The following RAB31 variants were observed in gnomAD, a reference collection of about 807,000 sequenced individuals.
The protein encoded by RAB31 is ras-related protein Rab-31.
Under a neutral mutation model 25.6 loss-of-function variants are expected in RAB31, and 21 were observed. The ratio of observed to expected loss-of-function variants is 0.82; its 90% CI spans 0.58 to 1.18. RAB31 has a LOEUF of 1.18. Ranked by LOEUF, RAB31 falls within the 50% of genes most tolerant of loss-of-function variation. The pLI, the probability that RAB31 is intolerant of heterozygous loss-of-function variation, is 0.00. For missense variants in RAB31, 196 were observed against 250.1 expected (o/e 0.78, Z 1.46); for synonymous variants, 87 against 84.0 (o/e 1.04, Z -0.20).
chr18:9,808,178 A>G (rs1401794588), intron 3 of RAB31, among the ~76,000 whole-genome samples: 1 of 152,204 alleles, frequency 6.6e-6, no homozygotes, highest in Non-Finnish European at 1.5e-5. Context: ...CTGAATGCTG[A>G]GAAAGCTTTT....
intron 1 of RAB31, among the ~76,000 whole-genome samples, chr18:9,754,344 A>G (rs886145306): frequency 6.6e-6 from 1 of 152,002 alleles, no homozygotes; most frequent in Non-Finnish European, 1.5e-5. Flanking sequence ...CAATGGCACG[A>G]TCTTGGCTCA....
At chr18:9,834,589 T>C (rs1350568157) in intron 5 of RAB31, among the ~76,000 whole-genome samples, 1 of 152,180 alleles carries the variant, frequency 6.6e-6, no homozygotes, top group Non-Finnish European at 1.5e-5. Context: ...CTTCAGACAA[T>C]ATTTACAGAG....
Position 9,805,705 on chromosome 18 carries a change from C to T in RAB31, c.202-8315C>T, listed in dbSNP as rs62081234. The stretch of plus-strand genomic sequence containing the variant: ...TGCTCAGAACAGTGCCTGCCACATA[C>T]TGAGCGTTCAAACAGTGAGATACTG... On this transcript the variant is annotated intron_variant, in intron 3 of 6. Transcript: ENST00000578921. 4.9e-3 allele frequency among the ~76,000 whole-genome samples: 740 copies of T among 152,312 alleles called. 3 individuals are homozygous for T. Among genetic ancestry groups the T allele is most frequent in the Non-Finnish European group, 7.4e-3 (503 of 68,024 alleles).
chr18:9,849,864 G>A (rs995834419), intron 6 of RAB31, among the ~76,000 whole-genome samples: 9 of 152,160 alleles, frequency 5.9e-5, no homozygotes, highest in African/African-American at 2.2e-4. Flanking sequence ...TGTGGTTAGA[G>A]ACTCAGCAGG....
intron 2 of RAB31, among the ~76,000 whole-genome samples, chr18:9,779,837 A>G (rs2068392886): frequency 6.6e-6 from 1 of 152,154 alleles, no homozygotes. Flanking sequence ...CTCAACTTTA[A>G]TTGTGACACA....
chr18:9,845,728 A>G, intron 6 of RAB31, 37 bp downstream of exon 6: 1 of 1,517,222 alleles, frequency 6.6e-7, no homozygotes, highest in Non-Finnish European at 8.8e-7. Context: ...CCCAACTTGC[A>G]TTTTTATGCT....
At chr18:9,821,785 C>A (rs2068625695) in intron 5 of RAB31, among the ~76,000 whole-genome samples, 1 of 151,944 alleles carries the variant, frequency 6.6e-6, no homozygotes, top group Non-Finnish European at 1.5e-5. Flanking sequence ...CTGAAAAGTA[C>A]AAAATGTTGA....
chr18:9,728,321 A>G (rs1265610400), intron 1 of RAB31, among the ~76,000 whole-genome samples: 1 of 152,246 alleles, frequency 6.6e-6, no homozygotes, highest in Non-Finnish European at 1.5e-5. Context: ...CAATTCTGCA[A>G]TAAAAATCTT....
At chr18:9,764,521 A>G (rs904855333) in intron 1 of RAB31, among the ~76,000 whole-genome samples, 3 of 152,202 alleles carry the variant, frequency 2.0e-5, no homozygotes, top group African/African-American at 7.2e-5. Context: ...GGATGAAGCC[A>G]TCTCTCCTCC....
At chr18:9,748,252 C>A in intron 1 of RAB31, among the ~76,000 whole-genome samples, 1 of 151,956 alleles carries the variant, frequency 6.6e-6, no homozygotes, top group East Asian at 1.9e-4. Context: ...ATCTCAGCAC[C>A]TTGGGAGGCC....
chr18:9,752,959 T>C (rs2068243075), intron 1 of RAB31, among the ~76,000 whole-genome samples: 1 of 152,192 alleles, frequency 6.6e-6, no homozygotes, highest in Admixed American at 6.5e-5. Flanking sequence ...CCAAAAAAAC[T>C]TAAAGAGATT....
At chr18:9,782,802 TC>T (rs1485214688) in intron 2 of RAB31, among the ~76,000 whole-genome samples, 3 of 152,126 alleles carry the variant, frequency 2.0e-5, no homozygotes, top group African/African-American at 7.2e-5. Context: ...GCTCAAGTGA[TC>T]CTCCCACCTT....
intron 2 of RAB31, among the ~76,000 whole-genome samples, chr18:9,790,542 A>G (rs889826731): frequency 2.6e-5 from 4 of 152,158 alleles, no homozygotes; most frequent in Non-Finnish European, 4.4e-5. Flanking sequence ...CTGACCAAAT[A>G]TATTTTAAAG....
At chr18:9,821,884 C>A (rs1207049003) in intron 5 of RAB31, among the ~76,000 whole-genome samples, 1 of 152,120 alleles carries the variant, frequency 6.6e-6, no homozygotes, top group Non-Finnish European at 1.5e-5. Context: ...TGTTCATTCT[C>A]TTCAAATTGA....
chr18:9,768,464 T>G (rs1444952537), intron 1 of RAB31, among the ~76,000 whole-genome samples: 5 of 152,348 alleles, frequency 3.3e-5, no homozygotes, highest in African/African-American at 1.2e-4. Flanking sequence ...ACAATGAACT[T>G]TTTTCCATAT....
chr18:9,717,733 G>A (rs2068051990), intron 1 of RAB31, among the ~76,000 whole-genome samples: 2 of 152,248 alleles, frequency 1.3e-5, no homozygotes, highest in South Asian at 4.1e-4. Context: ...ACAGACACAC[G>A]TACACACAGT....
chr18:9,840,634 G>T (rs1187030206), intron 5 of RAB31, among the ~76,000 whole-genome samples: 1 of 152,154 alleles, frequency 6.6e-6, no homozygotes, highest in Non-Finnish European at 1.5e-5. Flanking sequence ...ACACTAACTG[G>T]ATGTCCTACT....
At chr18:9,829,605 A>G (rs1329633363) in intron 5 of RAB31, among the ~76,000 whole-genome samples, 1 of 152,192 alleles carries the variant, frequency 6.6e-6, no homozygotes, top group Non-Finnish European at 1.5e-5. Context: ...CCTCAGTCTT[A>G]CTAGGTAATG....
chr18:9,720,725 T>G (rs937236262), intron 1 of RAB31, among the ~76,000 whole-genome samples: 27 of 152,082 alleles, frequency 1.8e-4, no homozygotes, highest in African/African-American at 6.5e-4. Context: ...GAGCATGTAT[T>G]ACTTTGTGTA....
Sources: gnomAD v4.1 joint callset for allele counts (sites outside exome capture counted in the v4.1 genomes callset) on GRCh38, gnomAD v4.1.1 for gene constraint, MANE v1.5 for transcripts, NCBI Gene and HGNC (gene_info 2026-07-23, HGNC 2026-07-21) for gene names.